Variants in TRNT1 observed in about 807,000 individuals in gnomAD.
TRNT1 encodes tRNA nucleotidyl transferase 1.
Under a neutral mutation model 45.6 loss-of-function variants are expected in TRNT1, and 44 were observed. That is an observed-to-expected ratio of 0.97 (90% confidence interval 0.76 to 1.24). The LOEUF is 1.24. Ranked by LOEUF, TRNT1 falls within the 50% of genes most tolerant of loss-of-function variation. The pLI, the probability that TRNT1 is intolerant of heterozygous loss-of-function variation, is 0.00. For synonymous variants in TRNT1, 201 were observed against 171.4 expected (o/e 1.17, Z -1.35); for missense variants, 633 against 504.4 (o/e 1.25, Z -2.44).
At chr3:3,141,918 A>G (rs1705679707) in intron 4 of TRNT1, among the ~76,000 whole-genome samples, 1 of 152,044 alleles carries the variant, frequency 6.6e-6, no homozygotes, top group African/African-American at 2.4e-5. Context: ...ATTTCATTAA[A>G]CTCTCAGAAA....
At chr3:3,129,815 TTGCC>T (rs1704887382) in intron 2 of TRNT1, 8 of 1,499,212 alleles carry the variant, frequency 5.3e-6, no homozygotes, top group Non-Finnish European at 7.3e-6. Flanking sequence ...GTGAAGTGCT[TTGCC>T]TGTGTTTCTG....
At chr3:3,127,288 G>T (rs1367161984) in intron 1 of TRNT1, 1 of 152,328 alleles carries the variant, frequency 6.6e-6, no homozygotes, top group South Asian at 2.1e-4. Flanking sequence ...CCGGCGTGGG[G>T]GGTGAGACGC....
intron 2 of TRNT1, among the ~76,000 whole-genome samples, chr3:3,133,271 G>T (rs62228605): frequency 3.9e-5 from 6 of 152,082 alleles, no homozygotes; most frequent in African/African-American, 1.2e-4. Flanking sequence ...TTATTTCCCA[G>T]CTAGCTGTGG....
At chr3:3,129,912 T>C (rs1461279598) in intron 2 of TRNT1, 1 of 1,550,648 alleles carries the variant, frequency 6.4e-7, no homozygotes. Context: ...CTCTGTTTCC[T>C]TCCTAGGTAT....
Position 3,147,615 on chromosome 3 carries a change from G to A in TRNT1, c.968G>A (p.Gly323Asp), listed in dbSNP as rs2126036942. The change falls in exon 7 of 8, where the codon GGC becomes GAC. Residue 323 changes from glycine to aspartate, a missense_variant. Gly to Asp is a moderately conservative substitution (Grantham distance 94, BLOSUM62 -1). Coordinates refer to ENST00000251607, the MANE Select transcript of TRNT1 (RefSeq NM_182916.3). ...ATCGCAAAAGAGGAGAAAAACCTTG[G>A]CTTATTTATAGTTAAAAATAGGAAA... ...LKIAKEEKNL[G>D]LFIVKNRKDL... 7 of 1,613,836 alleles carry A rather than the reference G, an allele frequency of 4.3e-6. No individual in the cohort carries two copies. The highest frequency in any genetic ancestry group is 5.9e-6 in the Non-Finnish European group (7 of 1,179,824).
At chr3:3,146,291 G>T in intron 5 of TRNT1, 139 bp from the exon 6 acceptor site, 1 of 478,850 alleles carries the variant, frequency 2.1e-6, no homozygotes, top group Non-Finnish European at 3.5e-6. Context: ...TGCTTTCTAA[G>T]GTCCCTTCTA....
intron 2 of TRNT1, among the ~76,000 whole-genome samples, chr3:3,130,929 A>C (rs1277041479): frequency 6.6e-6 from 1 of 151,946 alleles, no homozygotes; most frequent in Non-Finnish European, 1.5e-5. Context: ...TAAAAATATG[A>C]AAAATAGGCA....
At chr3:3,142,891 G>T (rs1036169577) in intron 4 of TRNT1, among the ~76,000 whole-genome samples, 2 of 151,896 alleles carry the variant, frequency 1.3e-5, no homozygotes, top group Non-Finnish European at 2.9e-5. Context: ...TTTGAATCTG[G>T]AGCCTTCGAA....
At chr3:3,129,617 T>C (rs1704874816) in intron 2 of TRNT1, 1 of 532,890 alleles carries the variant, frequency 1.9e-6, no homozygotes, top group East Asian at 3.4e-5. Context: ...GAGAAAGGCT[T>C]ACATATGGCT....
downstream of TRNT1, chr3:3,152,449 A>AT (rs1429325989): frequency 1.2e-6 from 2 of 1,613,630 alleles, no homozygotes; most frequent in African/African-American, 2.7e-5. Context: ...CACCACCATA[A>AT]TATTACCCAG....
downstream of TRNT1, chr3:3,151,112 T>TATC: frequency 1.3e-6 from 2 of 1,542,732 alleles, no homozygotes; most frequent in Non-Finnish European, 1.8e-6. Context: ...CATATAAACC[T>TATC]ATCATGAAGA....
chr3:3,150,655 T>G, downstream of TRNT1: 1 of 508,648 alleles, frequency 2.0e-6, no homozygotes, highest in Non-Finnish European at 3.5e-6. Context: ...GTTTCTGGTA[T>G]TCTAGACTGC....
At chr3:3,150,570 T>C (rs559409007), downstream of TRNT1, 60 of 282,696 alleles carry the variant, frequency 2.1e-4, no homozygotes, top group South Asian at 2.5e-3. Context: ...AAAGATGTCT[T>C]CATGTCCCAT....
chr3:3,151,030 A>C, downstream of TRNT1: 1 of 1,613,896 alleles, frequency 6.2e-7, no homozygotes, highest in Non-Finnish European at 8.5e-7. Context: ...TACACTGGGC[A>C]ACAGTCCAGG....
At chr3:3,133,382 C>A (rs939534161) in intron 2 of TRNT1, among the ~76,000 whole-genome samples, 1 of 151,894 alleles carries the variant, frequency 6.6e-6, no homozygotes, top group African/African-American at 2.4e-5. Context: ...AGTGAAATCC[C>A]ATCTGTACAA....
At chr3:3,150,424 C>T (rs539598986), downstream of TRNT1, 1 of 157,758 alleles carries the variant, frequency 6.3e-6, no homozygotes, top group South Asian at 1.8e-4. Flanking sequence ...ACTTGTCACC[C>T]TAGCTTTTGT....
rs571008949 is a variant in TRNT1, at chr3:3,131,116, A to T, written c.148+1928A>T. Among the ~76,000 whole-genome samples the T allele has an allele frequency of 2.0e-5, 3 of 152,128 alleles. No individual in the cohort carries two copies. The East Asian group carries it at 5.8e-4, about 29-fold the overall frequency. ...AATTAATGAGATATTTTATATTCTT[A>T]CTTGGAAGTCTTTGAAGTCTGGCAT... On this transcript the variant is annotated intron_variant, in intron 2 of 7. Coordinates refer to ENST00000251607, the MANE Select transcript of TRNT1 (RefSeq NM_182916.3).
At chr3:3,140,342 A>G (rs535650696) in intron 3 of TRNT1, among the ~76,000 whole-genome samples, 168 bp from the exon 4 acceptor site, 1 of 152,264 alleles carries the variant, frequency 6.6e-6, no homozygotes, top group South Asian at 2.1e-4. Context: ...AATAATGTGG[A>G]TATCTTTCTG....
rs770323562 is a variant in TRNT1 at position 3,140,560 on chromosome 3, T to C, written c.393T>C (p.Thr131=). 2 of 1,614,072 alleles carry C rather than the reference T, an allele frequency of 1.2e-6. No individual in the cohort carries two copies. The highest frequency in any genetic ancestry group is 1.7e-5 in the Admixed American group (1 of 60,016). ...CTACACTACGGATTGATGTCACCAC[T>C]GATGGAAGACATGCTGAGGTAGAAT... is the stretch of plus-strand genomic sequence containing the variant. ...EITTLRIDVT[T]DGRHAEVEFT... is the part of the protein sequence containing the mutation. Residue 131 remains threonine, a synonymous_variant, in exon 4 of 8, where the codon ACT becomes ACC. Transcript: ENST00000251607.
Sources: gnomAD v4.1 joint callset for allele counts (sites outside exome capture counted in the v4.1 genomes callset) on GRCh38, gnomAD v4.1.1 for gene constraint, MANE v1.5 for transcripts, NCBI Gene and HGNC (gene_info 2026-07-23, HGNC 2026-07-21) for gene names.